Variants in FAM221A observed in about 807,000 individuals in gnomAD.
FAM221A encodes the protein protein FAM221A.
A neutral mutation model predicts 37.6 loss-of-function variants in FAM221A; 43 were observed. That is an observed-to-expected ratio of 1.15 (90% CI 0.90 to 1.48). The LOEUF is 1.48. FAM221A is among the 40% of genes most tolerant of loss of function. The pLI is 0.00. For missense variants in FAM221A, 361 were observed against 361.5 expected, an observed-to-expected ratio of 1.00 and a Z score of 0.01; for synonymous variants, 135 against 132.9, an observed-to-expected ratio of 1.02 and a Z score of -0.11.
chr7:23,695,487 C>T (rs1367366496), intron 4 of FAM221A, among the ~76,000 whole-genome samples: 1 of 152,166 alleles, frequency 6.6e-6, no homozygotes, highest in Non-Finnish European at 1.5e-5. Context: ...ATTCTCCTGC[C>T]TCAGCCTCCT....
At chr7:23,700,930 A>T in intron 6 of FAM221A, 62 bp downstream of exon 6, 1 of 1,057,718 alleles carries the variant, frequency 9.5e-7, no homozygotes, top group Non-Finnish European at 1.4e-6. Context: ...CACTAGAATG[A>T]TTATACATTG....
At chr7:23,701,424 A>G (rs936134130) in intron 6 of FAM221A, among the ~76,000 whole-genome samples, 1 of 151,878 alleles carries the variant, frequency 6.6e-6, no homozygotes, top group Non-Finnish European at 1.5e-5. Context: ...TATTTTTAGT[A>G]GAGACGGGGT....
chr7:23,682,680 C>T (rs112934270), intron 1 of FAM221A, among the ~76,000 whole-genome samples: 1,533 of 152,126 alleles, frequency 0.01, 23 homozygotes, highest in African/African-American at 0.035. Flanking sequence ...CTGCTTCCGC[C>T]TCCCAAAGTC....
chr7:23,690,200 T>TATATATA (rs1491098232), intron 3 of FAM221A, among the ~76,000 whole-genome samples: 372 of 18,498 alleles, frequency 0.02, 2 homozygotes, highest in South Asian at 0.058. Context: ...TATATATATA[T>TATATATA]TTTTTTTTTT....
chr7:23,695,346 T>C (rs890602344), intron 4 of FAM221A, among the ~76,000 whole-genome samples: 1 of 152,166 alleles, frequency 6.6e-6, no homozygotes, highest in African/African-American at 2.4e-5. Context: ...GAAGTTGTTT[T>C]CCCAGAAGTC....
intron 3 of FAM221A, among the ~76,000 whole-genome samples, chr7:23,689,967 T>C (rs1399611295): frequency 6.6e-6 from 1 of 151,866 alleles, no homozygotes; most frequent in Non-Finnish European, 1.5e-5. Flanking sequence ...TTACACTGGA[T>C]CATCCATTCA....
rs1784760089 is a variant in FAM221A, at chr7:23,691,654, T to C, written c.637+58T>C. On this transcript the variant is annotated intron_variant, in intron 4 of 6. Transcript: ENST00000344962. ...GTATTGTTTTTATGTGTGCTAACAA[T>C]AGTGAAGCCTTATATTTGTTAAGCA... The C allele has an allele frequency of 4.4e-6, 6 of 1,370,418 alleles. No individual in the cohort carries two copies. In the South Asian group the frequency reaches 5.9e-5, roughly 13 times the overall value. The allele number at this position is 1,370,418 out of a possible 1,614,324, so 84.9% of individuals were successfully genotyped here.
chr7:23,695,044 A>C (rs999928014), intron 4 of FAM221A: 2 of 152,072 alleles, frequency 1.3e-5, no homozygotes, highest in African/African-American at 2.4e-5. Context: ...ATTATAGCTC[A>C]CCGCAGCCTT....
rs1785507240 is a variant in FAM221A, at chr7:23,702,268, T to TTA, written c.*104_*105insTA. ...CCTGAAATTATTTACTTTTTTTTTT[T>TTA]ACTGTATAAATGTCTTTTGGGATGT... On this transcript the variant is annotated 3_prime_UTR_variant, in exon 7 of 7. Coordinates refer to ENST00000344962, the MANE Select transcript of FAM221A (RefSeq NM_199136.5). 6.0e-6 allele frequency: 4 copies of TTA among 672,230 alleles called. No homozygotes were observed. In the East Asian group the frequency reaches 1.3e-4, roughly 22 times the overall value. 41.6% of individuals were successfully genotyped at this position (672,230 alleles called of 1,614,324 possible).
intron 4 of FAM221A, among the ~76,000 whole-genome samples, chr7:23,695,188 G>T (rs1176763384): frequency 6.6e-6 from 1 of 151,844 alleles, no homozygotes; most frequent in Non-Finnish European, 1.5e-5. Context: ...TGTTGCTCAG[G>T]TTGGTGTCAA....
intron 4 of FAM221A, chr7:23,693,265 C>T (rs1784853691): frequency 6.6e-6 from 1 of 152,206 alleles, no homozygotes; most frequent in Admixed American, 6.5e-5. Flanking sequence ...GTTTTTACAT[C>T]CTCTACTGAT....
intron 3 of FAM221A, among the ~76,000 whole-genome samples, chr7:23,689,743 A>G (rs1380846835): frequency 6.6e-6 from 1 of 152,244 alleles, no homozygotes; most frequent in East Asian, 1.9e-4. Context: ...TGGATTTTAA[A>G]GAATTGCCAG....
At chr7:23,694,330 T>C (rs977881307) in intron 4 of FAM221A, 1 of 152,230 alleles carries the variant, frequency 6.6e-6, no homozygotes, top group Non-Finnish European at 1.5e-5. Context: ...TCATGATATT[T>C]GATATGGTAA....
At chr7:23,692,109 A>G (rs1784789647) in intron 4 of FAM221A, 2 of 690,492 alleles carry the variant, frequency 2.9e-6, no homozygotes, top group Non-Finnish European at 3.5e-6. Context: ...GCACACACAT[A>G]TATCTTCTTG....
At position 23,680,216 on chromosome 7, in the gene FAM221A, G is replaced by T; in HGVS notation, c.-3G>T. ...AGGGAAGCCTTTGGCTTCCCCACCGGCAATGGAGCGGTTGACGTTGCCTCT... is the reference window on the plus strand; with the variant it reads ...AGGGAAGCCTTTGGCTTCCCCACCGTCAATGGAGCGGTTGACGTTGCCTCT... On this transcript the variant is annotated 5_prime_UTR_variant, in exon 1 of 7. Transcript: ENST00000344962. The T allele has an allele frequency of 3.9e-6, 6 of 1,549,628 alleles. No individual in the cohort carries two copies. The highest frequency in any genetic ancestry group is 5.2e-6 in the Non-Finnish European group (6 of 1,145,936).
intron 4 of FAM221A, among the ~76,000 whole-genome samples, chr7:23,695,383 T>G (rs1261086938): frequency 2.0e-5 from 3 of 152,200 alleles, no homozygotes; most frequent in African/African-American, 7.2e-5. Flanking sequence ...AGTTTATTTC[T>G]AGGTATTTAA....
intron 2 of FAM221A, among the ~76,000 whole-genome samples, chr7:23,686,014 A>G (rs1346225044): frequency 2.0e-5 from 3 of 152,210 alleles, no homozygotes; most frequent in Admixed American, 6.5e-5. Flanking sequence ...CAGTTTGCCA[A>G]AGTTTGTTAG....
At chr7:23,690,394 G>A (rs1282239755) in intron 3 of FAM221A, among the ~76,000 whole-genome samples, 4 of 151,284 alleles carry the variant, frequency 2.6e-5, no homozygotes, top group East Asian at 1.9e-4. Context: ...TAGTAGAGAC[G>A]GGGTTTTGCC....
chr7:23,693,043 C>G (rs1784842686), intron 4 of FAM221A: 1 of 152,146 alleles, frequency 6.6e-6, no homozygotes, highest in African/African-American at 2.4e-5. Context: ...TTCTTTTTAA[C>G]TGCTGTATGG....
Sources: gnomAD v4.1 joint callset for allele counts (sites outside exome capture counted in the v4.1 genomes callset) on GRCh38, gnomAD v4.1.1 for gene constraint, MANE v1.5 for transcripts, NCBI Gene and HGNC (gene_info 2026-07-23, HGNC 2026-07-21) for gene names.